The following ZSCAN5A variants were observed in gnomAD, a reference collection of about 807,000 sequenced individuals.
ZSCAN5A encodes zinc finger and SCAN domain-containing protein 5A.
Under a neutral mutation model 23.7 loss-of-function variants are expected in ZSCAN5A, and 12 were observed. That is an observed-to-expected ratio of 0.51 (90% CI 0.32 to 0.82). The LOEUF (loss-of-function observed/expected upper bound fraction) is 0.82, where lower values mean the gene tolerates loss of function less well. ZSCAN5A is among the 40% of genes least tolerant of loss of function. ZSCAN5A has a pLI of 0.03. For synonymous variants in ZSCAN5A, 257 were observed against 239.9 expected, an observed-to-expected ratio of 1.07 and a Z score of -0.66; for missense variants, 597 against 617.9, an observed-to-expected ratio of 0.97 and a Z score of 0.36.
chr19:56,266,941 C>T (rs1337832895), intron 2 of ZSCAN5A, among the ~76,000 whole-genome samples: 1 of 152,152 alleles, frequency 6.6e-6, no homozygotes, highest in Non-Finnish European at 1.5e-5. Context: ...ACCTCTCCTC[C>T]CTCCACATTC....
intron 2 of ZSCAN5A, among the ~76,000 whole-genome samples, chr19:56,356,619 A>G (rs1057208199): frequency 6.7e-6 from 1 of 148,662 alleles, no homozygotes; most frequent in East Asian, 1.9e-4. Flanking sequence ...CTGGCTTCAC[A>G]TATTGTAAAA....
At chr19:56,230,663 C>CA (rs1026850686) in intron 2 of ZSCAN5A, among the ~76,000 whole-genome samples, 15 of 139,530 alleles carry the variant, frequency 1.1e-4, no homozygotes, top group African/African-American at 4.1e-4. Context: ...GTGTTGGAAA[C>CA]ATTTAAGATA....
chr19:56,266,764 C>T, intron 2 of ZSCAN5A: 1 of 152,456 alleles, frequency 6.6e-6, no homozygotes, highest in Non-Finnish European at 1.5e-5. Flanking sequence ...CAGGCGTGAG[C>T]CACGGTGCCT....
chr19:56,319,498 GAAAAAA>G (rs57164685), upstream of ZSCAN5A, among the ~76,000 whole-genome samples: 7 of 78,404 alleles, frequency 8.9e-5, no homozygotes, highest in Admixed American at 9.5e-4. Flanking sequence ...TCCATCTCGG[GAAAAAA>G]AAAAAAAAAA....
In ZSCAN5A at chr19:56,352,794, T is replaced by C. The variant is rs2041675932; in HGVS notation, c.-358+10441A>G. ...TCTCATTACCCTTGTTGAAACTGGG[T>C]GCAACACAGTTTCAACACAGATGTC... is the stretch of plus-strand genomic sequence containing the variant. On this transcript the variant is annotated intron_variant, in intron 2 of 6. Transcript: ENST00000587340. This position sits in a 1 kb window ranked among gnomAD's most constrained non-coding sequence, Gnocchi z 4.2. Among the ~76,000 whole-genome samples the C allele has an allele frequency of 6.6e-6, 1 of 152,120 alleles. No individual in the cohort carries two copies. Among genetic ancestry groups the C allele is most frequent in the Non-Finnish European group, 1.5e-5 (1 of 68,010 alleles).
At chr19:56,261,898 T>G (rs2146866172) in intron 2 of ZSCAN5A, among the ~76,000 whole-genome samples, 1 of 152,328 alleles carries the variant, frequency 6.6e-6, no homozygotes, top group South Asian at 2.1e-4. Flanking sequence ...TTTAATAAAT[T>G]TTTACATATG....
intron 2 of ZSCAN5A, among the ~76,000 whole-genome samples, chr19:56,261,604 T>TGAGAGAGAGAGG (rs890056132): frequency 2.6e-5 from 4 of 151,104 alleles, no homozygotes; most frequent in African/African-American, 9.8e-5. Context: ...AGGAGCAAAT[T>TGAGAGAGAGAGG]GAGAGAGAGA....
chr19:56,272,849 G>A, intron 2 of ZSCAN5A: 1 of 985,292 alleles, frequency 1.0e-6, no homozygotes, highest in Non-Finnish European at 1.2e-6. Context: ...ACAGATCAGA[G>A]CCATTTCTGA....
At chr19:56,251,739 T>G (rs1323276662) in intron 2 of ZSCAN5A, among the ~76,000 whole-genome samples, 1 of 152,152 alleles carries the variant, frequency 6.6e-6, no homozygotes, top group African/African-American at 2.4e-5. Context: ...TTTTTAAATG[T>G]TTTTATAGAG....
chr19:56,348,395 A>G (rs567546201), intron 2 of ZSCAN5A, among the ~76,000 whole-genome samples: 1 of 152,274 alleles, frequency 6.6e-6, no homozygotes, highest in East Asian at 1.9e-4. Flanking sequence ...AAAAGCCTCC[A>G]AGTTAACCCT....
At chr19:56,302,583 CT>C (rs1236103869) in intron 2 of ZSCAN5A, among the ~76,000 whole-genome samples, 1 of 59,262 alleles carries the variant, frequency 1.7e-5, no homozygotes, top group South Asian at 6.1e-4. Flanking sequence ...CTTCCTCCCC[CT>C]TTTCTTCCTC....
intron 2 of ZSCAN5A, among the ~76,000 whole-genome samples, chr19:56,239,801 T>G (rs1342632822): frequency 6.7e-6 from 1 of 149,298 alleles, no homozygotes; most frequent in South Asian, 2.1e-4. Flanking sequence ...CCAACAACTC[T>G]TAACATGTCC....
rs538304669 is a variant in ZSCAN5A at position 56,305,198 on chromosome 19, C to T, written c.-128+8085G>A. On this transcript the variant is annotated intron_variant, in intron 2 of 5. Coordinates refer to ENST00000683990, the MANE Select transcript of ZSCAN5A (RefSeq NM_001322064.3). ...TGTGGCCATCACCACTAATCTGTTT[C>T]CAGAATCTTCTCATCATCCTAAAAG... 6.6e-5 allele frequency among the ~76,000 whole-genome samples: 10 copies of T among 152,284 alleles called. No individual in the cohort carries two copies. The South Asian group carries it at 2.1e-3, about 32-fold the overall frequency.
rs190179891 is a variant in ZSCAN5A at position 56,267,798 on chromosome 19, G to A, written c.-127-42625C>T. 2.0e-5 allele frequency among the ~76,000 whole-genome samples: 3 copies of A among 152,290 alleles called. No homozygotes were observed. In the East Asian group the frequency reaches 5.8e-4, roughly 29 times the overall value. ...CAGTTCCCATCTCATAGTGTTGTAG[G>A]AGTTATTATAGGCAAAGGCTCTTAG... On this transcript the variant is annotated intron_variant, in intron 2 of 5. Transcript: ENST00000683990.
At chr19:56,345,155 T>C (rs8103596) in intron 2 of ZSCAN5A, among the ~76,000 whole-genome samples, 3,301 of 152,182 alleles carry the variant, frequency 0.022, 119 homozygotes, top group African/African-American at 0.076. Context: ...TTAAGACATT[T>C]CTAATATTAC....
chr19:56,301,491 C>G (rs149075955), intron 2 of ZSCAN5A, among the ~76,000 whole-genome samples: 16 of 152,250 alleles, frequency 1.1e-4, no homozygotes, highest in African/African-American at 3.9e-4. Context: ...ATCTTGGTTT[C>G]GGTGGGTTTT....
intron 2 of ZSCAN5A, among the ~76,000 whole-genome samples, chr19:56,324,988 A>T (rs1198487790): frequency 2.6e-5 from 4 of 152,154 alleles, no homozygotes; most frequent in Admixed American, 2.6e-4. Flanking sequence ...AACTCCTTAC[A>T]AAAAGAACTA....
chr19:56,245,739 T>C (rs907987487), intron 2 of ZSCAN5A, among the ~76,000 whole-genome samples: 34 of 152,364 alleles, frequency 2.2e-4, no homozygotes, highest in African/African-American at 7.9e-4. Flanking sequence ...AGACATTTAA[T>C]GTCATAATTC....
At chr19:56,302,545 G>GTTCCTCCCTCCCCCCTTCCTTTC (rs1555807454) in intron 2 of ZSCAN5A, among the ~76,000 whole-genome samples, 1 of 21,592 alleles carries the variant, frequency 4.6e-5, no homozygotes, top group Non-Finnish European at 9.7e-5. Context: ...CTTCCTCCCC[G>GTTCCTCCCTCCCCCCTTCCTTTC]TTCCTCCCTC....
Sources: allele counts gnomAD v4.1 joint callset (sites outside exome capture counted in the v4.1 genomes callset), GRCh38; gene constraint gnomAD v4.1.1; non-coding constraint Gnocchi (gnomAD v3.1); transcripts MANE v1.5; gene names NCBI Gene and HGNC (gene_info 2026-07-23, HGNC 2026-07-21).